The following TESC variants were observed in gnomAD, a reference collection of about 807,000 sequenced individuals.
The protein encoded by TESC is calcineurin B homologous protein 3.
A neutral mutation model predicts 31.0 loss-of-function variants in TESC; 19 were observed. That is an observed-to-expected ratio of 0.61 (90% confidence interval 0.43 to 0.90). TESC has a LOEUF of 0.90. Among genes scored for constraint, TESC ranks in the 40% least tolerant of loss-of-function variants. The pLI, the probability that TESC is intolerant of heterozygous loss-of-function variation, is 0.00. For missense variants in TESC, 248 were observed against 303.8 expected, an observed-to-expected ratio of 0.82 and a Z score of 1.36; for synonymous variants, 109 against 114.8, an observed-to-expected ratio of 0.95 and a Z score of 0.32.
At chr12:117,070,977 A>G (rs1954964301) in intron 2 of TESC, among the ~76,000 whole-genome samples, 1 of 39,452 alleles carries the variant, frequency 2.5e-5, no homozygotes, top group Admixed American at 5.0e-4. Context: ...TCAAAAAATA[A>G]AAAAAAAGAT....
At chr12:117,082,874 A>G (rs1955167566) in intron 1 of TESC, among the ~76,000 whole-genome samples, 2 of 152,226 alleles carry the variant, frequency 1.3e-5, no homozygotes, top group African/African-American at 2.4e-5. Context: ...GATTACTTGT[A>G]TAATTGTATT....
chr12:117,076,645 C>T (rs948657394), intron 1 of TESC, among the ~76,000 whole-genome samples: 9 of 152,224 alleles, frequency 5.9e-5, no homozygotes, highest in South Asian at 2.1e-4. Flanking sequence ...GGTTTCGCCA[C>T]GCTGGCCAGG....
At chr12:117,084,752 T>C (rs1955193121) in intron 1 of TESC, among the ~76,000 whole-genome samples, 1 of 152,158 alleles carries the variant, frequency 6.6e-6, no homozygotes, top group Non-Finnish European at 1.5e-5. Flanking sequence ...AATGTCAGCA[T>C]GCGCTCCCAT....
At chr12:117,093,073 C>T (rs1247011682) in intron 1 of TESC, among the ~76,000 whole-genome samples, 1 of 152,152 alleles carries the variant, frequency 6.6e-6, no homozygotes, top group Non-Finnish European at 1.5e-5. Flanking sequence ...CTTTGGCGGA[C>T]GACAGAACAG....
intron 3 of TESC, among the ~76,000 whole-genome samples, chr12:117,056,587 C>A (rs1479023747): frequency 1.3e-5 from 2 of 152,162 alleles, no homozygotes; most frequent in African/African-American, 4.8e-5. Flanking sequence ...TAGCCAGAGA[C>A]AATGAACACA....
chr12:117,069,484 C>T (rs895862144), intron 2 of TESC, among the ~76,000 whole-genome samples: 2 of 152,176 alleles, frequency 1.3e-5, no homozygotes, highest in African/African-American at 2.4e-5. Flanking sequence ...AGTGATCCGC[C>T]AGCCTCAGCC....
At chr12:117,041,419 A>T (rs1045453099) in intron 7 of TESC, among the ~76,000 whole-genome samples, 1 of 150,992 alleles carries the variant, frequency 6.6e-6, no homozygotes, top group Non-Finnish European at 1.5e-5. Flanking sequence ...TGCAACCTCT[A>T]CCTCCTGGAT....
At chr12:117,093,601 C>CACCT (rs1955344962) in intron 1 of TESC, among the ~76,000 whole-genome samples, 1 of 152,216 alleles carries the variant, frequency 6.6e-6, no homozygotes, top group Non-Finnish European at 1.5e-5. Context: ...CTTGGGCAGG[C>CACCT]ACCTCCTCTC....
In TESC at chr12:117,049,065, G is replaced by A. The variant is rs1440127970; in HGVS notation, c.303C>T (p.Thr101=). The A allele has an allele frequency of 1.2e-6, 2 of 1,614,118 alleles. No individual in the cohort carries two copies. The highest frequency in any genetic ancestry group is 2.7e-5 in the African/African-American group (2 of 74,940). The stretch of plus-strand genomic sequence containing the variant: ...ACAGCTCCACCTGTTCCTCGTCCAT[G>A]GTGGTGTCGATGGGCCGGAAGTAGG... ...IMSYFRPIDT[T]MDEEQVELSR... The change falls in exon 4 of 8, where the codon ACC becomes ACT. Residue 101 remains threonine (T), a synonymous_variant. Coordinates refer to ENST00000335209, the MANE Select transcript of TESC (RefSeq NM_017899.4).
intron 6 of TESC, 94 bp from the exon 7 acceptor site, chr12:117,042,088 T>G: frequency 3.2e-6 from 4 of 1,242,026 alleles, no homozygotes; most frequent in South Asian, 1.3e-5. Context: ...TCCCCACCAA[T>G]ACCCAAATGT....
intron 1 of TESC, among the ~76,000 whole-genome samples, chr12:117,084,733 A>C (rs1011373649): frequency 3.9e-5 from 6 of 152,184 alleles, no homozygotes; most frequent in African/African-American, 1.4e-4. Context: ...CTGACTCAGG[A>C]GGAAAGAGAA....
chr12:117,085,899 C>T (rs911968229), intron 1 of TESC, among the ~76,000 whole-genome samples: 10 of 152,206 alleles, frequency 6.6e-5, no homozygotes, highest in African/African-American at 2.4e-4. Context: ...ATCACAACCA[C>T]CAACATGGCA....
intron 3 of TESC, among the ~76,000 whole-genome samples, chr12:117,049,940 A>C (rs1565960651): frequency 6.6e-6 from 1 of 151,342 alleles, no homozygotes; most frequent in South Asian, 2.1e-4. Context: ...AAGAGGAAGA[A>C]GACTTTTCAC....
intron 2 of TESC, among the ~76,000 whole-genome samples, chr12:117,058,701 C>CTA (rs1954763418): frequency 6.7e-6 from 1 of 149,916 alleles, no homozygotes; most frequent in African/African-American, 2.5e-5. Flanking sequence ...TATGATGGTG[C>CTA]CACTACACTG....
intron 2 of TESC, among the ~76,000 whole-genome samples, chr12:117,073,710 T>C (rs1304639716): frequency 1.3e-5 from 2 of 152,210 alleles, no homozygotes; most frequent in Non-Finnish European, 2.9e-5. Flanking sequence ...TAGAAGTTTA[T>C]GGTAGAAATT....
chr12:117,040,735 G>A (rs1194226253), intron 7 of TESC, among the ~76,000 whole-genome samples: 2 of 152,156 alleles, frequency 1.3e-5, no homozygotes, highest in South Asian at 2.1e-4. Flanking sequence ...GCCGACCTCC[G>A]CAGTCTCCTT....
chr12:117,094,282 C>T (rs939200509), intron 1 of TESC, among the ~76,000 whole-genome samples: 2 of 152,150 alleles, frequency 1.3e-5, no homozygotes, highest in African/African-American at 4.8e-5. Flanking sequence ...CCTGATGATG[C>T]CCTGTGTGGC....
At chr12:117,098,585 C>CG (rs1396570608) in intron 1 of TESC, 1 of 152,238 alleles carries the variant, frequency 6.6e-6, no homozygotes, top group Non-Finnish European at 1.5e-5. Context: ...ATGCGGGGCG[C>CG]GCAGCCTTTG....
At chr12:117,043,924 G>A (rs1277280776) in intron 6 of TESC, among the ~76,000 whole-genome samples, 2 of 152,060 alleles carry the variant, frequency 1.3e-5, no homozygotes, top group African/African-American at 4.8e-5. Context: ...GCAGGACTTT[G>A]CAGGCTCTTT....
Sources: allele counts gnomAD v4.1 joint callset (sites outside exome capture counted in the v4.1 genomes callset), GRCh38; gene constraint gnomAD v4.1.1; transcripts MANE v1.5; gene names NCBI Gene and HGNC (gene_info 2026-07-23, HGNC 2026-07-21).